The following STK38 variants were observed in gnomAD, a reference collection of about 807,000 sequenced individuals.
The protein encoded by STK38 is serine/threonine-protein kinase 38.
A neutral mutation model predicts 59.0 loss-of-function variants in STK38; 26 were observed. That is an observed-to-expected ratio of 0.44 (90% confidence interval 0.32 to 0.61). The LOEUF (loss-of-function observed/expected upper bound fraction) is 0.61. Ranked by LOEUF, STK38 falls within the 20% of genes least tolerant of loss-of-function variation. The probability of loss-of-function intolerance (pLI) is 0.04; values close to 1 mark genes in which losing one functional copy is unlikely to be tolerated. For missense variants in STK38, 433 were observed against 566.0 expected (o/e 0.76, Z 2.38); for synonymous variants, 175 against 176.6 (o/e 0.99, Z 0.07).
chr6:36,545,427 G>T (rs1778034876), intron 1 of STK38, among the ~76,000 whole-genome samples: 1 of 150,822 alleles, frequency 6.6e-6, no homozygotes, highest in African/African-American at 2.4e-5. Flanking sequence ...GACATTAAAT[G>T]AACTCAAAGA....
chr6:36,522,876 A>AAAAG (rs774099487), intron 4 of STK38, among the ~76,000 whole-genome samples: 11,599 of 98,474 alleles, frequency 0.12, 1,739 homozygotes, highest in African/African-American at 0.21. Context: ...AAAAAAAAAA[A>AAAAG]AAGAAGAAGA....
intron 2 of STK38, among the ~76,000 whole-genome samples, chr6:36,532,929 C>T (rs533599470): frequency 2.0e-5 from 3 of 151,216 alleles, no homozygotes; most frequent in South Asian, 2.1e-4. Context: ...AAAATTAGCC[C>T]GACATGGTGG....
intron 3 of STK38, among the ~76,000 whole-genome samples, chr6:36,524,907 G>C (rs1177385023): frequency 6.6e-6 from 1 of 152,196 alleles, no homozygotes; most frequent in Non-Finnish European, 1.5e-5. Flanking sequence ...CTGCAAGCCA[G>C]TCCTATTTTT....
intron 6 of STK38, 75 bp downstream of exon 6, chr6:36,517,642 A>G: frequency 6.4e-7 from 1 of 1,553,646 alleles, no homozygotes; most frequent in South Asian, 1.2e-5. Flanking sequence ...AGTAGAAAGG[A>G]GGGTTAATCG....
rs527518128 is a variant in STK38, at chr6:36,517,587, G to A, written c.514+130C>T. ...AGACAGGTTACTGACTTCCTTTATAGACCTAAAAAAGGATATAGAAAGCAA... is the reference window on the plus strand; with the variant it reads ...AGACAGGTTACTGACTTCCTTTATAAACCTAAAAAAGGATATAGAAAGCAA... On this transcript the variant is annotated intron_variant, in intron 6 of 13. Transcript: ENST00000229812. 1.1e-4 allele frequency: 129 copies of A among 1,190,874 alleles called. 1 individual carries two copies. The African/African-American group carries it at 1.9e-3, about 18-fold the overall frequency. The allele number at this position is 1,190,874 out of a possible 1,614,324, so 73.8% of individuals were successfully genotyped here.
rs887937945 is a variant in STK38 at position 36,545,310 on chromosome 6, A to T, written c.-6+1880T>A. ...TCTGGAAAAAAAAAAAAAAAAAAAA[A>T]AAAAAGAATAAAGACTACATTTACA... On this transcript the variant is annotated intron_variant, in intron 1 of 13. Coordinates refer to ENST00000229812, the MANE Select transcript of STK38 (RefSeq NM_007271.4). Among the ~76,000 whole-genome samples, 8 of 151,106 alleles carry T rather than the reference A, an allele frequency of 5.3e-5. No homozygotes were observed. In the South Asian group the frequency reaches 1.7e-3, roughly 32 times the overall value.
At chr6:36,527,800 A>G (rs945475478) in intron 2 of STK38, among the ~76,000 whole-genome samples, 3 of 152,052 alleles carry the variant, frequency 2.0e-5, no homozygotes, top group African/African-American at 7.2e-5. Context: ...GCAAAGAAGG[A>G]TAAGACTACA....
chr6:36,515,853 C>A (rs921918831), intron 6 of STK38, among the ~76,000 whole-genome samples: 3 of 152,192 alleles, frequency 2.0e-5, no homozygotes, highest in African/African-American at 4.8e-5. Flanking sequence ...CAAGTATCTG[C>A]AAGCTTTTCT....
chr6:36,510,690 C>T lies in STK38; in HGVS notation c.670-3088G>A, dbSNP rs115618602. 6.2e-3 allele frequency among the ~76,000 whole-genome samples: 952 copies of T among 152,328 alleles called. 5 individuals carry two copies. Among genetic ancestry groups the T allele is most frequent in the African/African-American group, 0.02 (832 of 41,568 alleles). ...TATAATTTTCATAAAGGAAAACACA[C>T]ACCTTCTATGAGTCAGGCACCTTGA... On this transcript the variant is annotated intron_variant, in intron 7 of 13. Coordinates refer to ENST00000229812, the MANE Select transcript of STK38 (RefSeq NM_007271.4).
In STK38 at chr6:36,498,465, TCAGAA is replaced by T; in HGVS notation, c.969_973del (p.Cys323Ter). The T allele has an allele frequency of 1.2e-6, 2 of 1,612,586 alleles. No homozygotes were observed. Among genetic ancestry groups the T allele is most frequent in the Non-Finnish European group, 1.7e-6 (2 of 1,179,662 alleles). On this transcript the variant is annotated stop_gained and frameshift_variant, in exon 11 of 14. Transcript: ENST00000229812. LOFTEE classifies it high-confidence loss of function. The stretch of plus-strand genomic sequence containing the variant: ...CTTCTTATATGTCTCTTGAGGGGTC[TCAGAA>T]CAGAAAGGTGGGTAGCCTGTAATAA...
At chr6:36,528,443 C>A (rs1777587244) in intron 2 of STK38, among the ~76,000 whole-genome samples, 1 of 152,148 alleles carries the variant, frequency 6.6e-6, no homozygotes, top group African/African-American at 2.4e-5. Context: ...CAAATATGAC[C>A]AACTGGCAAT....
chr6:36,511,884 C>G (rs897143696), intron 7 of STK38, among the ~76,000 whole-genome samples: 1 of 151,642 alleles, frequency 6.6e-6, no homozygotes, highest in African/African-American at 2.4e-5. Context: ...CAGGGTGAAA[C>G]CCCATCTCTA....
At chr6:36,533,834 C>A (rs929086948) in intron 2 of STK38, among the ~76,000 whole-genome samples, 18 of 152,202 alleles carry the variant, frequency 1.2e-4, no homozygotes, top group African/African-American at 4.3e-4. Flanking sequence ...ACAGGTTTCA[C>A]CTGCCTAAAG....
At chr6:36,530,279 T>C (rs1777633902) in intron 2 of STK38, among the ~76,000 whole-genome samples, 1 of 151,462 alleles carries the variant, frequency 6.6e-6, no homozygotes, top group Non-Finnish European at 1.5e-5. Flanking sequence ...AGATCGAGAT[T>C]CTGTCAGGAA....
intron 5 of STK38, among the ~76,000 whole-genome samples, chr6:36,520,335 G>C (rs1777349518): frequency 6.6e-6 from 1 of 152,162 alleles, no homozygotes; most frequent in African/African-American, 2.4e-5. Flanking sequence ...TTGCGAAAAG[G>C]CTTTTTACAC....
intron 10 of STK38, 47 bp from the exon 11 acceptor site, chr6:36,498,533 A>G (rs1776760756): frequency 1.9e-6 from 3 of 1,580,344 alleles, no homozygotes; most frequent in Non-Finnish European, 2.6e-6. Flanking sequence ...CAGAACTTTG[A>G]ATCTGACCGA....
intron 1 of STK38, among the ~76,000 whole-genome samples, chr6:36,540,704 G>A (rs942877067): frequency 3.3e-5 from 5 of 151,696 alleles, no homozygotes; most frequent in African/African-American, 7.3e-5. Context: ...TTGGCTCACC[G>A]CAACCTCCAC....
chr6:36,522,517 T>C (rs1021465316), intron 4 of STK38: 1 of 149,860 alleles, frequency 6.7e-6, no homozygotes, highest in Admixed American at 6.7e-5. Context: ...ATAATAATAA[T>C]AACAAAGTAA....
At chr6:36,530,851 G>T (rs1219688163) in intron 2 of STK38, among the ~76,000 whole-genome samples, 1 of 151,224 alleles carries the variant, frequency 6.6e-6, no homozygotes, top group Admixed American at 6.6e-5. Flanking sequence ...CACCATGTGT[G>T]GCTAATTTTT....
Sources: allele counts gnomAD v4.1 joint callset (sites outside exome capture counted in the v4.1 genomes callset), GRCh38; gene constraint gnomAD v4.1.1; transcripts MANE v1.5; gene names NCBI Gene and HGNC (gene_info 2026-07-23, HGNC 2026-07-21).